ZNF500: variants seen among roughly 807,000 people sequenced by gnomAD.
ZNF500 encodes zinc finger protein 500.
Under a neutral mutation model 30.1 loss-of-function variants are expected in ZNF500, and 31 were observed. The observed-to-expected ratio is 1.03, with a 90% confidence interval of 0.77 to 1.39. The LOEUF is 1.39. ZNF500 is among the 40% of genes most tolerant of loss of function. The pLI is 0.00. For missense variants in ZNF500, 817 were observed against 657.8 expected (o/e 1.24, Z -2.65); for synonymous variants, 392 against 282.0 (o/e 1.39, Z -3.91).
At chr16:4,761,406 C>G (rs2082198010) in intron 4 of ZNF500, among the ~76,000 whole-genome samples, 1 of 151,716 alleles carries the variant, frequency 6.6e-6, no homozygotes, top group Non-Finnish European at 1.5e-5. Flanking sequence ...CACCATTGCA[C>G]TCCAGCCTGG....
At chr16:4,761,593 C>T (rs1187404857) in intron 4 of ZNF500, among the ~76,000 whole-genome samples, 3 of 151,476 alleles carry the variant, frequency 2.0e-5, no homozygotes, top group Non-Finnish European at 4.4e-5. Context: ...TGCCTGTAAT[C>T]CCAGTGCTTT....
At position 4,752,814 on chromosome 16, in the gene ZNF500, G is replaced by C. The variant is rs140785120; in HGVS notation, c.1005C>G (p.Ser335Arg). ...YTCPECGKGF[S>R]KTSHLTKHQR... ...GGTGCTTGGTCAAGTGGGACGTCTT[G>C]CTGAAGCCTTTGCCACATTCGGGGC... Residue 335 changes from serine (S) to arginine (R), a missense_variant, in exon 6 of 6, where the codon AGC becomes AGG. Ser to Arg is a moderately radical substitution (Grantham distance 110). Transcript: ENST00000219478. 2.8e-5 allele frequency: 45 copies of C among 1,614,144 alleles called. No homozygotes were observed. The highest frequency in any genetic ancestry group is 3.6e-5 in the Non-Finnish European group (43 of 1,180,050).
rs145928173 is a variant in ZNF500, at chr16:4,762,641, G to T, written c.530C>A (p.Ser177Tyr). ...CAGCTGGGCTGGGGGCTGCTGGCTG[G>T]AGAATCGAGCCTCTTCCTCCAGGGA... ...DLSLEEEARFSSQQPPAQLSH... is the reference protein window; with the variant it reads ...DLSLEEEARFYSQQPPAQLSH... The change falls in exon 3 of 6, where the codon TCC becomes TAC. Residue 177 changes from serine (S) to tyrosine (Y), a missense_variant. Coordinates refer to ENST00000219478, the MANE Select transcript of ZNF500 (RefSeq NM_021646.4). The T allele has an allele frequency of 1.8e-5, 29 of 1,614,036 alleles. No individual in the cohort carries two copies. The highest frequency in any genetic ancestry group is 2.3e-5 in the Non-Finnish European group (27 of 1,180,014).
At chr16:4,765,094 A>G (rs2082249845) in intron 2 of ZNF500, among the ~76,000 whole-genome samples, 1 of 152,150 alleles carries the variant, frequency 6.6e-6, no homozygotes, top group South Asian at 2.1e-4. Flanking sequence ...TGAGGCCAGG[A>G]GTTCAAGACC....
rs1427632853 is a variant in ZNF500, at chr16:4,751,675, G to A, written c.*701C>T. ...GAATGTGACCTTATTTGGAAACACG[G>A]GTTTTGATGATATAATTAGTTAAGA... is the stretch of plus-strand genomic sequence containing the variant. On this transcript the variant is annotated 3_prime_UTR_variant, in exon 6 of 6. Coordinates refer to ENST00000219478, the MANE Select transcript of ZNF500 (RefSeq NM_021646.4). 6.6e-7 allele frequency: 1 copy of A among 1,522,502 alleles called. No homozygotes were observed. Among genetic ancestry groups the A allele is most frequent in the Non-Finnish European group, 8.8e-7 (1 of 1,135,354 alleles). The allele number at this position is 1,522,502 out of a possible 1,614,324, so 94.3% of individuals were successfully genotyped here. A position where few individuals can be genotyped will look rare whatever the true frequency, so the allele number is the denominator to read the frequency against.
rs771234514 is a variant in ZNF500, at chr16:4,752,783, T to C, written c.1036A>G (p.Thr346Ala). ...TTGTAAGGCCGCTCGCCCGTGTGTGTGCGCTGGTGCTTGGTCAAGTGGGAC... is the reference window on the plus strand; with the variant it reads ...TTGTAAGGCCGCTCGCCCGTGTGTGCGCGCTGGTGCTTGGTCAAGTGGGAC... ...KTSHLTKHQR[T>A]HTGERPYKCL... Residue 346 changes from threonine to alanine, a missense_variant, in exon 6 of 6, where the codon ACA (threonine) becomes GCA (alanine). Coordinates refer to ENST00000219478, the MANE Select transcript of ZNF500 (RefSeq NM_021646.4). 18 of 1,614,134 alleles carry C rather than the reference T, an allele frequency of 1.1e-5. No homozygotes were observed. Among genetic ancestry groups the C allele is most frequent in the Middle Eastern group, 1.6e-4 (1 of 6,084 alleles).
At position 4,763,761 on chromosome 16, in the gene ZNF500, G is replaced by A. The variant is rs375040812; in HGVS notation, c.415-1005C>T. 6.1e-6 allele frequency: 6 copies of A among 985,322 alleles called. No individual in the cohort carries two copies. The East Asian group carries it at 5.7e-4, about 93-fold the overall frequency. The allele number at this position is 985,322 out of a possible 1,614,324, so 61.0% of individuals were successfully genotyped here. On this transcript the variant is annotated intron_variant, in intron 2 of 5. Transcript: ENST00000219478. ...CTGAAGCTGTGGTGGCCAGGAAAGA[G>A]GCTGGCCGGCTGGGAAGAAACCCCG...
downstream of ZNF500, chr16:4,744,974 A>G: frequency 6.2e-7 from 1 of 1,613,692 alleles, no homozygotes; most frequent in Non-Finnish European, 8.5e-7. Context: ...GCCTGCCGAC[A>G]CTCCCCAGGA....
At chr16:4,757,448 G>C (rs970292050) in intron 5 of ZNF500, among the ~76,000 whole-genome samples, 1 of 151,944 alleles carries the variant, frequency 6.6e-6, no homozygotes, top group African/African-American at 2.4e-5. Context: ...AAGCAGCTGG[G>C]ACTACAGGCA....
chr16:4,762,189 G>GT (rs2082209658), intron 4 of ZNF500, 82 bp downstream of exon 4: 1 of 1,478,144 alleles, frequency 6.8e-7, no homozygotes, highest in African/African-American at 1.4e-5. Flanking sequence ...CCCAGGAGAG[G>GT]TGTCCCCTTA....
downstream of ZNF500, chr16:4,747,072 C>T (rs778821067): frequency 6.8e-7 from 1 of 1,475,070 alleles, no homozygotes; most frequent in South Asian, 1.3e-5. Context: ...CCCACCTCTG[C>T]TTTCTGCAGC....
downstream of ZNF500, chr16:4,746,727 CA>C: frequency 2.2e-5 from 17 of 758,842 alleles, no homozygotes; most frequent in Non-Finnish European, 3.5e-5. Context: ...GGGCTCTATG[CA>C]ATAGAGCCCA....
intron 2 of ZNF500, 65 bp downstream of exon 2, chr16:4,765,499 TG>T: frequency 6.6e-7 from 1 of 1,519,422 alleles, no homozygotes; most frequent in Non-Finnish European, 8.8e-7. Context: ...CCAAGGAATC[TG>T]CAGCTGCAGA....
Position 4,765,016 on chromosome 16 carries a change from T to G in ZNF500, c.414+549A>C, listed in dbSNP as rs115752086. ...ACCTCTCTCCCACCAAAACCTATGT[T>G]TGGGGCTGGCGTAGTGGCTCATGCC... On this transcript the variant is annotated intron_variant, in intron 2 of 5. Coordinates refer to ENST00000219478, the MANE Select transcript of ZNF500 (RefSeq NM_021646.4). Among the ~76,000 whole-genome samples, 748 of 150,944 alleles carry G rather than the reference T, an allele frequency of 5.0e-3. 4 individuals are homozygous for G. The highest frequency in any genetic ancestry group is 0.017 in the African/African-American group (709 of 41,140).
chr16:4,761,748 TGAG>T (rs140871261), intron 4 of ZNF500, among the ~76,000 whole-genome samples: 6,790 of 150,470 alleles, frequency 0.045, 494 homozygotes, highest in African/African-American at 0.16. Flanking sequence ...CCCAACTAAC[TGAG>T]GAGGCTGAGG....
chr16:4,763,011 TGATAGACCCTGG>T (rs2082224649), intron 2 of ZNF500: 1 of 985,420 alleles, frequency 1.0e-6, no homozygotes, highest in Non-Finnish European at 1.2e-6. Context: ...TTGGTCCTCC[TGATAGACCCTGG>T]GATAGACCCT....
chr16:4,745,611 C>T (rs2082004875), downstream of ZNF500, among the ~76,000 whole-genome samples: 1 of 152,198 alleles, frequency 6.6e-6, no homozygotes, highest in Admixed American at 6.5e-5. Context: ...TTTCACCTGA[C>T]CAGCAGTGGG....
Position 4,765,699 on chromosome 16 carries a change from C to T in ZNF500, c.280G>A (p.Val94Met), listed in dbSNP as rs528551389. 1.2e-6 allele frequency: 2 copies of T among 1,613,210 alleles called. No individual in the cohort carries two copies. The highest frequency in any genetic ancestry group is 8.5e-7 in the Non-Finnish European group (1 of 1,179,938). ...AGCACAGTCAGGAACTGCTCCAGCA[C>T]CAGCAGCTCCAGGATCTGCTCCTTG... is the stretch of plus-strand genomic sequence containing the variant. ...RTKEQILELL[V>M]LEQFLTVLPG... Residue 94 changes from valine to methionine, a missense_variant, in exon 2 of 6, where the codon GTG (valine) becomes ATG (methionine). Coordinates refer to ENST00000219478, the MANE Select transcript of ZNF500 (RefSeq NM_021646.4).
chr16:4,754,753 T>G (rs908526110), intron 5 of ZNF500, among the ~76,000 whole-genome samples: 6 of 152,070 alleles, frequency 3.9e-5, no homozygotes, highest in African/African-American at 1.4e-4. Context: ...AATATTTTAT[T>G]TATTTATTTT....
Sources: gnomAD v4.1 joint callset for allele counts (sites outside exome capture counted in the v4.1 genomes callset) on GRCh38, gnomAD v4.1.1 for gene constraint, MANE v1.5 for transcripts, NCBI Gene and HGNC (gene_info 2026-07-23, HGNC 2026-07-21) for gene names.